The following GRB10 variants were observed in gnomAD, a reference collection of about 807,000 sequenced individuals.
The protein encoded by GRB10 is growth factor receptor bound protein 10, also known as growth factor receptor-bound protein 10.
In GRB10, 20 loss-of-function variants were observed where a neutral mutation model predicts 80.9. The observed-to-expected ratio is 0.25, with a 90% CI of 0.17 to 0.36. The LOEUF is 0.36. Among genes scored for constraint, GRB10 ranks in the 10% least tolerant of loss-of-function variants. GRB10 has a pLI of 1.00. For missense variants in GRB10, 548 were observed against 747.7 expected (o/e 0.73, Z 3.12); for synonymous variants, 291 against 291.5 (o/e 1.00, Z 0.02).
intron 2 of GRB10, among the ~76,000 whole-genome samples, chr7:50,769,131 A>G (rs1046838210): frequency 6.6e-6 from 1 of 152,198 alleles, no homozygotes; most frequent in Admixed American, 6.5e-5. Flanking sequence ...TTCTAATCAA[A>G]GCTAATTCAA....
intron 4 of GRB10, among the ~76,000 whole-genome samples, chr7:50,717,884 C>T (rs910950150): frequency 1.1e-4 from 16 of 152,228 alleles, no homozygotes; most frequent in African/African-American, 1.9e-4. Flanking sequence ...AAGGGACCTA[C>T]GAGACGCAAC....
chr7:50,651,859 G>A (rs1298287549), intron 7 of GRB10, among the ~76,000 whole-genome samples: 1 of 152,208 alleles, frequency 6.6e-6, no homozygotes, highest in Admixed American at 6.5e-5. Flanking sequence ...TTTGAAGAAG[G>A]TAATCTGTCA....
In GRB10 at chr7:50,615,305, C is replaced by T. The variant is rs377237225; in HGVS notation, c.985-425G>A. Among the ~76,000 whole-genome samples the T allele has an allele frequency of 3.7e-4, 56 of 152,362 alleles. 1 individual carries two copies. In the East Asian group the frequency reaches 8.5e-3, roughly 23 times the overall value. On this transcript the variant is annotated intron_variant, in intron 11 of 18. Coordinates refer to ENST00000401949, the MANE Select transcript of GRB10 (RefSeq NM_001350814.2). The stretch of plus-strand genomic sequence containing the variant: ...AGCTTGCTTGTCCCACCCTTCTCCT[C>T]CTCAACTCTCCAGCCCAGCTCTGTT...
chr7:50,691,832 A>T (rs955869805), intron 5 of GRB10, among the ~76,000 whole-genome samples: 1 of 152,182 alleles, frequency 6.6e-6, no homozygotes. Context: ...CACAATTATC[A>T]TCAACTTTGG....
chr7:50,703,707 C>A, intron 5 of GRB10, 114 bp downstream of exon 5: 1 of 756,194 alleles, frequency 1.3e-6, no homozygotes, highest in Non-Finnish European at 2.4e-6. Context: ...AAAAGAAGAA[C>A]CAATGTTAGA....
chr7:50,686,010 C>T (rs1314855044), intron 5 of GRB10, among the ~76,000 whole-genome samples: 2 of 152,130 alleles, frequency 1.3e-5, no homozygotes, highest in Non-Finnish European at 2.9e-5. Context: ...GTGGGAAAAC[C>T]AGTTCCTGAG....
intron 4 of GRB10, among the ~76,000 whole-genome samples, chr7:50,708,796 C>T (rs1379439186): frequency 1.3e-5 from 2 of 151,838 alleles, no homozygotes; most frequent in Admixed American, 1.3e-4. Flanking sequence ...CTGCCTCAGC[C>T]TCCCGAGTAG....
intron 3 of GRB10, among the ~76,000 whole-genome samples, chr7:50,754,504 G>C (rs374712356): frequency 6.6e-6 from 1 of 152,220 alleles, no homozygotes; most frequent in East Asian, 1.9e-4. Flanking sequence ...CCTCACTGGC[G>C]CCAGGACCCT....
At chr7:50,634,827 A>G (rs1439838712) in intron 7 of GRB10, among the ~76,000 whole-genome samples, 1 of 152,270 alleles carries the variant, frequency 6.6e-6, no homozygotes, top group Non-Finnish European at 1.5e-5. Context: ...AATGCATTCA[A>G]TACAAGAGGA....
chr7:50,698,745 G>A (rs1332724745), intron 5 of GRB10, among the ~76,000 whole-genome samples: 1 of 152,160 alleles, frequency 6.6e-6, no homozygotes, highest in African/African-American at 2.4e-5. Flanking sequence ...TCCTCCAAAC[G>A]CCTTGTTGTT....
intron 4 of GRB10, among the ~76,000 whole-genome samples, chr7:50,712,977 G>C (rs755430650): frequency 6.6e-6 from 1 of 152,178 alleles, no homozygotes; most frequent in African/African-American, 2.4e-5. Flanking sequence ...CCCAGAGCCT[G>C]TCAATCTTGA....
intron 5 of GRB10, 41 bp from the exon 6 acceptor site, chr7:50,674,699 A>G: frequency 1.3e-6 from 2 of 1,537,628 alleles, no homozygotes; most frequent in South Asian, 1.1e-5. Flanking sequence ...AACTTTAACA[A>G]TGGAGAGCAA....
intron 7 of GRB10, among the ~76,000 whole-genome samples, chr7:50,630,757 C>T (rs1288578035): frequency 6.6e-6 from 1 of 152,164 alleles, no homozygotes; most frequent in Non-Finnish European, 1.5e-5. Context: ...ATTATGTCAA[C>T]AGCATGAAAC....
rs565749108 is a variant in GRB10 at position 50,639,510 on chromosome 7, A to G, written c.505-12532T>C. Among the ~76,000 whole-genome samples the G allele has an allele frequency of 2.7e-3, 415 of 152,040 alleles. 6 individuals carry two copies. Among genetic ancestry groups the G allele is most frequent in the Admixed American group, 0.019 (296 of 15,280 alleles). ...CTAACACGGTGAAACCGTCTCTACT[A>G]AAAATACAAAAAATTAGCCGGGCGT... On this transcript the variant is annotated intron_variant, in intron 7 of 18. Transcript: ENST00000401949.
chr7:50,610,680 T>A (rs2049344195), intron 13 of GRB10, among the ~76,000 whole-genome samples: 1 of 152,200 alleles, frequency 6.6e-6, no homozygotes, highest in Non-Finnish European at 1.5e-5. Context: ...AAAATGAGGA[T>A]GATAATATGC....
intron 7 of GRB10, among the ~76,000 whole-genome samples, chr7:50,628,358 G>T (rs913651189): frequency 3.9e-5 from 6 of 152,192 alleles, no homozygotes; most frequent in African/African-American, 1.2e-4. Context: ...GTTTGGAAGG[G>T]GGTGCTTACT....
chr7:50,637,641 T>G lies in GRB10; in HGVS notation c.505-10663A>C, dbSNP rs76475181. ...TACTGCCCCCAAAGCAGTCTACAGA[T>G]TCAACATAATTTCTATCAAATTTCC... On this transcript the variant is annotated intron_variant, in intron 7 of 18. Coordinates refer to ENST00000401949, the MANE Select transcript of GRB10 (RefSeq NM_001350814.2). Among the ~76,000 whole-genome samples the G allele has an allele frequency of 2.9e-3, 438 of 152,138 alleles. 17 individuals carry two copies. In the South Asian group the frequency reaches 0.045, roughly 16 times the overall value.
chr7:50,712,844 A>G (rs1011488218), intron 4 of GRB10, among the ~76,000 whole-genome samples: 4 of 152,272 alleles, frequency 2.6e-5, no homozygotes, highest in Admixed American at 1.3e-4. Flanking sequence ...TAAATTACAT[A>G]ACATAAATTT....
At chr7:50,628,378 C>A (rs2053377049) in intron 7 of GRB10, among the ~76,000 whole-genome samples, 1 of 152,174 alleles carries the variant, frequency 6.6e-6, no homozygotes. Context: ...TTGCTCTGAA[C>A]TTTGATTTCT....
Sources: gnomAD v4.1 joint callset for allele counts (sites outside exome capture counted in the v4.1 genomes callset) on GRCh38, gnomAD v4.1.1 for gene constraint, MANE v1.5 for transcripts, NCBI Gene and HGNC (gene_info 2026-07-23, HGNC 2026-07-21) for gene names.